The following PCDHA9 variants were observed in gnomAD, a reference collection of about 807,000 sequenced individuals.
PCDHA9 encodes protocadherin alpha-9.
PCDHA9 carries 62 observed loss-of-function variants against 62.0 expected under a neutral mutation model. The observed-to-expected ratio is 1.00, with a 90% CI of 0.81 to 1.23. The LOEUF is 1.23. Ranked by LOEUF, PCDHA9 falls within the 50% of genes most tolerant of loss-of-function variation. The pLI, the probability that PCDHA9 is intolerant of heterozygous loss-of-function variation, is 0.00. For missense variants in PCDHA9, 1,205 were observed against 1,249.8 expected (o/e 0.96, Z 0.54); for synonymous variants, 557 against 567.6 (o/e 0.98, Z 0.27).
At chr5:140,959,999 A>G (rs564390780) in intron 1 of PCDHA9, among the ~76,000 whole-genome samples, 2 of 152,318 alleles carry the variant, frequency 1.3e-5, no homozygotes, top group African/African-American at 4.8e-5. Flanking sequence ...ATGAAATACA[A>G]ATCTATTTTG....
chr5:140,965,445 G>T (rs1460508023), intron 1 of PCDHA9, among the ~76,000 whole-genome samples: 1 of 151,794 alleles, frequency 6.6e-6, no homozygotes, highest in Non-Finnish European at 1.5e-5. Flanking sequence ...TGAAATTGCT[G>T]GTTATTGTAA....
In PCDHA9 at chr5:140,940,501, C is replaced by T. The variant is rs542798581; in HGVS notation, c.2395-38448C>T. Among the ~76,000 whole-genome samples, 272 of 152,010 alleles carry T rather than the reference C, an allele frequency of 1.8e-3. 2 individuals are homozygous for T. The highest frequency in any genetic ancestry group is 6.1e-3 in the African/African-American group (254 of 41,464). Reference sequence around the variant, plus strand: ...TTTTTCAAGACAAGTCTTGCTCCGTCGCTCAGGCGTGATCATAGCTCACTG... The same window carrying T: ...TTTTTCAAGACAAGTCTTGCTCCGTTGCTCAGGCGTGATCATAGCTCACTG... On this transcript the variant is annotated intron_variant, in intron 1 of 3. Coordinates refer to ENST00000532602, the MANE Select transcript of PCDHA9 (RefSeq NM_031857.2).
intron 1 of PCDHA9, among the ~76,000 whole-genome samples, chr5:140,934,122 TATTA>T (rs2153618298): frequency 6.6e-6 from 1 of 152,300 alleles, no homozygotes; most frequent in East Asian, 1.9e-4. Flanking sequence ...TTTCATACTT[TATTA>T]ATTTATTTCC....
chr5:140,875,485 G>C (rs367652529), intron 1 of PCDHA9: 10 of 1,611,542 alleles, frequency 6.2e-6, no homozygotes, highest in Non-Finnish European at 7.6e-6. Context: ...GGTGATTATC[G>C]GACCAAGAGG....
At chr5:140,943,479 TAATA>T (rs1447671932) in intron 1 of PCDHA9, among the ~76,000 whole-genome samples, 1 of 151,960 alleles carries the variant, frequency 6.6e-6, no homozygotes, top group African/African-American at 2.4e-5. Context: ...TACAGTAAAA[TAATA>T]AATAGATGCT....
intron 1 of PCDHA9, among the ~76,000 whole-genome samples, chr5:140,888,454 A>G (rs1167294283): frequency 6.6e-6 from 1 of 152,234 alleles, no homozygotes; most frequent in Non-Finnish European, 1.5e-5. Context: ...ATAAAGAATT[A>G]GCTCAAAATG....
At chr5:140,906,917 C>T (rs2073040753) in intron 1 of PCDHA9, among the ~76,000 whole-genome samples, 1 of 152,114 alleles carries the variant, frequency 6.6e-6, no homozygotes, top group Non-Finnish European at 1.5e-5. Context: ...AGGAGGAGCC[C>T]AAAAAGTGTC....
At chr5:140,932,734 C>G (rs1295804671) in intron 1 of PCDHA9, among the ~76,000 whole-genome samples, 2 of 151,588 alleles carry the variant, frequency 1.3e-5, no homozygotes, top group Non-Finnish European at 1.5e-5. Context: ...AATATAGACC[C>G]TCAAATCAGT....
intron 1 of PCDHA9, chr5:140,863,190 G>A (rs782460122): frequency 1.3e-6 from 1 of 798,634 alleles, no homozygotes; most frequent in South Asian, 1.3e-5. Context: ...TCACCGTGGT[G>A]GCGTCGCTGG....
chr5:140,954,390 C>A (rs2095030202), intron 1 of PCDHA9, among the ~76,000 whole-genome samples: 1 of 152,204 alleles, frequency 6.6e-6, no homozygotes, highest in South Asian at 2.1e-4. Context: ...AACTAATTTA[C>A]AACCCCACCA....
intron 1 of PCDHA9, among the ~76,000 whole-genome samples, chr5:140,911,032 A>G (rs2075293448): frequency 6.6e-6 from 1 of 152,092 alleles, no homozygotes; most frequent in African/African-American, 2.4e-5. Flanking sequence ...TTATAGGTCT[A>G]GAAGCAAACA....
intron 1 of PCDHA9, 139 bp from the exon 2 acceptor site, chr5:140,978,808 TAG>T: frequency 6.7e-7 from 1 of 1,496,146 alleles, no homozygotes; most frequent in Non-Finnish European, 8.9e-7. Flanking sequence ...GATATCATCA[TAG>T]AGTTACACAT....
At chr5:140,885,189 C>T (rs1554182051) in intron 1 of PCDHA9, among the ~76,000 whole-genome samples, 1 of 151,992 alleles carries the variant, frequency 6.6e-6, no homozygotes, top group Non-Finnish European at 1.5e-5. Context: ...CATCAGTGTT[C>T]CCCTCTCATA....
chr5:140,887,711 T>C (rs1486449046), intron 1 of PCDHA9, among the ~76,000 whole-genome samples: 1 of 152,198 alleles, frequency 6.6e-6, no homozygotes, highest in African/African-American at 2.4e-5. Context: ...ATACTTCTTC[T>C]AATAGTTTTT....
At chr5:140,911,818 A>T (rs1472874528) in intron 1 of PCDHA9, among the ~76,000 whole-genome samples, 2 of 152,210 alleles carry the variant, frequency 1.3e-5, no homozygotes, top group African/African-American at 2.4e-5. Flanking sequence ...CCTTCTCCAG[A>T]AACCCCAAAA....
chr5:140,915,864 T>A (rs1170888594), intron 1 of PCDHA9, among the ~76,000 whole-genome samples: 1 of 152,166 alleles, frequency 6.6e-6, no homozygotes. Flanking sequence ...CAAGTTTGCA[T>A]CCTTCCCTTT....
intron 1 of PCDHA9, among the ~76,000 whole-genome samples, chr5:140,892,021 G>A (rs2063355611): frequency 6.6e-6 from 1 of 152,160 alleles, no homozygotes; most frequent in Admixed American, 6.5e-5. Context: ...AGCACAAATG[G>A]TCTAAGATAC....
chr5:140,866,372 AT>A (rs1191186521), intron 1 of PCDHA9: 2 of 152,168 alleles, frequency 1.3e-5, no homozygotes, highest in East Asian at 3.8e-4. Context: ...GCATACTTCA[AT>A]AACAATTTTA....
intron 1 of PCDHA9, chr5:140,857,948 C>T (rs1160932490): frequency 2.5e-6 from 4 of 1,597,436 alleles, no homozygotes; most frequent in African/African-American, 1.3e-5. Flanking sequence ...CAGTACGACG[C>T]GCGCTCTGGA....
Sources: gnomAD v4.1 joint callset for allele counts (sites outside exome capture counted in the v4.1 genomes callset) on GRCh38, gnomAD v4.1.1 for gene constraint, MANE v1.5 for transcripts, NCBI Gene and HGNC (gene_info 2026-07-23, HGNC 2026-07-21) for gene names.